The following ZFP1 variants were observed in gnomAD, a reference collection of about 807,000 sequenced individuals.
ZFP1 encodes the protein zinc finger protein 1 homolog.
A neutral mutation model predicts 38.5 loss-of-function variants in ZFP1; 32 were observed. The ratio of observed to expected loss-of-function variants is 0.83; its 90% CI spans 0.63 to 1.12. The LOEUF is 1.12. Ranked by LOEUF, ZFP1 falls within the 50% of genes most tolerant of loss-of-function variation. The pLI is 0.00. For synonymous variants in ZFP1, 245 were observed against 168.8 expected, an observed-to-expected ratio of 1.45 and a Z score of -3.50; for missense variants, 616 against 480.8, an observed-to-expected ratio of 1.28 and a Z score of -2.63.
At chr16:75,157,433 G>A (rs780077141) in intron 2 of ZFP1, among the ~76,000 whole-genome samples, 3 of 151,698 alleles carry the variant, frequency 2.0e-5, no homozygotes, top group Non-Finnish European at 2.9e-5. Context: ...TAGTAGAGAC[G>A]GGATTTCACC....
upstream of ZFP1, among the ~76,000 whole-genome samples, chr16:75,145,064 G>C (rs1311997009): frequency 6.6e-6 from 1 of 152,182 alleles, no homozygotes; most frequent in African/African-American, 2.4e-5. Context: ...GTCATTCTTT[G>C]ATATGGCTGA....
At position 75,169,241 on chromosome 16, in the gene ZFP1, C is replaced by T; in HGVS notation, c.143-12C>T. ...TTGACAAGGTTCTTTTCATTGTGCTCTCTATTCCTAGAAGTGTGGAAGGCT... is the reference window on the plus strand; with the variant it reads ...TTGACAAGGTTCTTTTCATTGTGCTTTCTATTCCTAGAAGTGTGGAAGGCT... On this transcript the variant is annotated splice_polypyrimidine_tract_variant and intron_variant, in intron 3 of 3. Transcript: ENST00000570010. The T allele has an allele frequency of 1.3e-6, 2 of 1,591,994 alleles. No individual in the cohort carries two copies. The highest frequency in any genetic ancestry group is 2.2e-5 in the East Asian group (1 of 44,730).
At chr16:75,133,574 T>A in the ZFP1 span, among the ~76,000 whole-genome samples, 2 of 152,228 alleles carry the variant, frequency 1.3e-5, no homozygotes, top group African/African-American at 4.8e-5. Flanking sequence ...TCCATCCATG[T>A]TCCCACAAAA....
At chr16:75,151,791 T>A (rs890400290) in intron 1 of ZFP1, among the ~76,000 whole-genome samples, 5 of 152,186 alleles carry the variant, frequency 3.3e-5, no homozygotes, top group Non-Finnish European at 5.9e-5. Flanking sequence ...TTTCATTTAT[T>A]TGTGTAGATT....
chr16:75,131,193 C>T, the ZFP1 span, among the ~76,000 whole-genome samples: 1 of 152,092 alleles, frequency 6.6e-6, no homozygotes, highest in Non-Finnish European at 1.5e-5. Flanking sequence ...GTATCAGTGT[C>T]CCACTTAGAG....
chr16:75,166,650 A>G, intron 2 of ZFP1, 120 bp from the exon 3 acceptor site: 1 of 1,549,724 alleles, frequency 6.5e-7, no homozygotes, highest in Non-Finnish European at 8.7e-7. Context: ...AAAAACAGTG[A>G]ACAAGATGTA....
rs2038379652 is a variant in ZFP1, at chr16:75,170,727, T to C, written c.*393T>C. ...ATCTGCACATGTGAATTTAGCATAATCACTGGGAATTTGAAATTCTTGTCC... is the reference window on the plus strand; with the variant it reads ...ATCTGCACATGTGAATTTAGCATAACCACTGGGAATTTGAAATTCTTGTCC... On this transcript the variant is annotated 3_prime_UTR_variant, in exon 4 of 4. Coordinates refer to ENST00000570010, the MANE Select transcript of ZFP1 (RefSeq NM_153688.4). The C allele has an allele frequency of 6.1e-6, 1 of 162,880 alleles. No individual in the cohort carries two copies. The highest frequency in any genetic ancestry group is 1.3e-5 in the Non-Finnish European group (1 of 75,264). 10.1% of individuals were successfully genotyped at this position (162,880 alleles called of 1,614,324 possible).
At position 75,159,793 on chromosome 16, in the gene ZFP1, T is replaced by C. The variant is rs190529390; in HGVS notation, c.15+6827T>C. On this transcript the variant is annotated intron_variant, in intron 2 of 3. Transcript: ENST00000570010. ...ATAGCTCCTTCTAAAAAATGTTAAG[T>C]TTTGTCTGCCAGATAGCTAAATTAT... Among the ~76,000 whole-genome samples, 10 of 152,270 alleles carry C rather than the reference T, an allele frequency of 6.6e-5. No individual in the cohort carries two copies. The East Asian group carries it at 1.9e-3, about 29-fold the overall frequency.
chr16:75,146,064 G>A (rs915316986), upstream of ZFP1, among the ~76,000 whole-genome samples: 2 of 152,196 alleles, frequency 1.3e-5, no homozygotes, highest in African/African-American at 2.4e-5. Flanking sequence ...TTAGCACAGT[G>A]GCTGAGTAAG....
chr16:75,169,336 C>A lies in ZFP1; in HGVS notation c.226C>A (p.Gln76Lys), dbSNP rs1336437653. The A allele has an allele frequency of 6.2e-7, 1 of 1,614,134 alleles. No homozygotes were observed. The highest frequency in any genetic ancestry group is 1.1e-5 in the South Asian group (1 of 91,072). ...QARQFLILKN[Q>K]TPIEERGDLF... ...GAGGCAATTTTTAATTCTTAAGAAC[C>A]AAACCCCAATTGAGGAAAGAGGCGA... Residue 76 changes from glutamine to lysine, a missense_variant, in exon 4 of 4, where the codon CAA (glutamine) becomes AAA (lysine). By Grantham distance (53) the Gln-to-Lys change is moderately conservative. Coordinates refer to ENST00000570010, the MANE Select transcript of ZFP1 (RefSeq NM_153688.4).
At chr16:75,143,776 A>T (rs1422904700), upstream of ZFP1, among the ~76,000 whole-genome samples, 1 of 147,296 alleles carries the variant, frequency 6.8e-6, no homozygotes, top group Non-Finnish European at 1.5e-5. Flanking sequence ...CTCAGCTTCC[A>T]GAGTAGCTGG....
chr16:75,170,253 G>T lies in ZFP1; in HGVS notation c.1143G>T (p.Glu381Asp), dbSNP rs755755969. The change falls in exon 4 of 4, where the codon GAG becomes GAT. Residue 381 changes from glutamate (E) to aspartate (D), a missense_variant. Transcript: ENST00000570010. ...LRIHTGEKPY[E>D]CSECGKAFSR... ...TCCACACAGGAGAGAAACCATATGA[G>T]TGTTCCGAATGTGGGAAGGCCTTTA... is the stretch of plus-strand genomic sequence containing the variant. 1 of 1,613,982 alleles carries T rather than the reference G, an allele frequency of 6.2e-7. No individual in the cohort carries two copies. The highest frequency in any genetic ancestry group is 8.5e-7 in the Non-Finnish European group (1 of 1,179,944).
At chr16:75,145,429 C>T (rs541472069), upstream of ZFP1, among the ~76,000 whole-genome samples, 1 of 152,150 alleles carries the variant, frequency 6.6e-6, no homozygotes, top group South Asian at 2.1e-4. Context: ...GGGTTCTTAC[C>T]CTCAAGCTTG....
Position 75,169,328 on chromosome 16 carries a change from T to G in ZFP1, c.218T>G (p.Leu73Arg), listed in dbSNP as rs2038286527. Reference protein sequence around the residue: ...PDEQARQFLILKNQTPIEERG... With the variant: ...PDEQARQFLIRKNQTPIEERG... Reference sequence around the variant, plus strand: ...GAGCAGGCGAGGCAATTTTTAATTCTTAAGAACCAAACCCCAATTGAGGAA... The same window carrying G: ...GAGCAGGCGAGGCAATTTTTAATTCGTAAGAACCAAACCCCAATTGAGGAA... Residue 73 changes from leucine (L) to arginine (R), a missense_variant, in exon 4 of 4, where the codon CTT becomes CGT. Transcript: ENST00000570010. 1 of 1,614,054 alleles carries G rather than the reference T, an allele frequency of 6.2e-7. No individual in the cohort carries two copies.
At chr16:75,121,236 C>G in the ZFP1 span, among the ~76,000 whole-genome samples, 11 of 151,104 alleles carry the variant, frequency 7.3e-5, no homozygotes, top group Admixed American at 7.3e-4. Flanking sequence ...GATCTCTGTA[C>G]TCCAGAGAGT....
upstream of ZFP1, among the ~76,000 whole-genome samples, chr16:75,146,596 T>C (rs1259164324): frequency 6.6e-6 from 1 of 152,152 alleles, no homozygotes; most frequent in Non-Finnish European, 1.5e-5. Flanking sequence ...AGTAGGTGAA[T>C]GGATTTAAAA....
rs772807692 is a variant in ZFP1, at chr16:75,166,817, A to G, written c.63A>G (p.Glu21=). The stretch of plus-strand genomic sequence containing the variant: ...TGACTGTGGACTTTACCCAGGAGGA[A>G]TGGGAACAACTGGACCCCTCTCAGA... ...TDVTVDFTQE[E]WEQLDPSQRI... is the part of the protein sequence containing the mutation. The change falls in exon 3 of 4, where the codon GAA becomes GAG. Residue 21 remains glutamate, a synonymous_variant. Transcript: ENST00000570010. 6.2e-7 allele frequency: 1 copy of G among 1,614,178 alleles called. No homozygotes were observed. The highest frequency in any genetic ancestry group is 8.5e-7 in the Non-Finnish European group (1 of 1,180,012).
chr16:75,136,550 A>T, the ZFP1 span, among the ~76,000 whole-genome samples: 4 of 152,192 alleles, frequency 2.6e-5, 1 homozygote, highest in Non-Finnish European at 5.9e-5. Context: ...CTTAATACAG[A>T]TACAGTTAAT....
At chr16:75,169,037 T>C (rs4427834) in intron 3 of ZFP1, among the ~76,000 whole-genome samples, 14,058 of 152,166 alleles carry the variant, frequency 0.092, 1,224 homozygotes, top group African/African-American at 0.22. Context: ...CTTGTATTGA[T>C]TTTGGTTTTG....
Sources: allele counts gnomAD v4.1 joint callset (sites outside exome capture counted in the v4.1 genomes callset), GRCh38; gene constraint gnomAD v4.1.1; transcripts MANE v1.5; gene names NCBI Gene and HGNC (gene_info 2026-07-23, HGNC 2026-07-21).